The following HERC2 variants were observed in gnomAD, a reference collection of about 807,000 sequenced individuals.
The protein encoded by HERC2 is E3 ubiquitin-protein ligase HERC2.
In HERC2, 102 loss-of-function variants were observed where a neutral mutation model predicts 537.7. The ratio of observed to expected loss-of-function variants is 0.19; its 90% CI spans 0.16 to 0.22. The LOEUF (loss-of-function observed/expected upper bound fraction) is 0.22. Among genes scored for constraint, HERC2 ranks in the 10% least tolerant of loss-of-function variants. The pLI, the probability that HERC2 is intolerant of heterozygous loss-of-function variation, is 1.00. For missense variants in HERC2, 4,236 were observed against 6,198.2 expected (o/e 0.68, Z 10.63); for synonymous variants, 2,224 against 2,466.2 (o/e 0.90, Z 2.91).
intron 2 of HERC2, among the ~76,000 whole-genome samples, chr15:28,301,422 A>C (rs2076620786): frequency 6.6e-6 from 1 of 151,856 alleles, no homozygotes; most frequent in African/African-American, 2.4e-5. Context: ...CTCAAACAAA[A>C]AAAAAAAGCA....
At position 28,132,755 on chromosome 15, in the gene HERC2, G is replaced by A. The variant is rs1381848756; in HGVS notation, c.12306C>T (p.His4102=). 8.1e-6 allele frequency: 13 copies of A among 1,608,560 alleles called. No homozygotes were observed. The highest frequency in any genetic ancestry group is 1.1e-5 in the Non-Finnish European group (13 of 1,177,720). ...CCCCGGCTGCTGTGACACAGGCGCT[G>A]TGGGCTCCGCCAGCAGCAACATCGA... is the stretch of plus-strand genomic sequence containing the variant. ...EVVDVAAGGA[H]SACVTAAGDL... Residue 4102 remains histidine, a synonymous_variant, in exon 80 of 93, where the codon CAC becomes CAT. Transcript: ENST00000261609.
chr15:28,264,657 G>A (rs959287297), intron 14 of HERC2, among the ~76,000 whole-genome samples: 5 of 152,258 alleles, frequency 3.3e-5, no homozygotes, highest in East Asian at 1.9e-4. Context: ...ACATATCATC[G>A]CAAACTTTAA....
In HERC2 at chr15:28,182,511, G is replaced by A. The variant is rs201136198; in HGVS notation, c.8827C>T (p.Leu2943Phe). The A allele has an allele frequency of 3.4e-5, 54 of 1,601,124 alleles. No homozygotes were observed. ...EEDEKGNSGS[L>F]IRKKAAGLES... ...AGCCCAGCAGCCTTCTTTCTAATGA[G>A]GCTAACCAAACGGAAAAAAAAAAGA... Residue 2943 changes from leucine (L) to phenylalanine (F), a missense_variant and splice_region_variant, in exon 57 of 93, where the codon CTC (leucine) becomes TTC (phenylalanine). Transcript: ENST00000261609.
intron 55 of HERC2, among the ~76,000 whole-genome samples, chr15:28,188,997 A>C (rs928987346): frequency 6.6e-6 from 1 of 152,122 alleles, no homozygotes; most frequent in Non-Finnish European, 1.5e-5. Context: ...CTGCGGCAGG[A>C]GAATCACTTG....
Position 28,210,998 on chromosome 15 carries a change from A to T in HERC2, c.7069+4T>A. ...AAAGATTTAAGAACTTTTTAAAAAG[A>T]CACCTGTGTGAACAGTTCCAGTCTC... On this transcript the variant is annotated splice_donor_region_variant and intron_variant, in intron 44 of 92. Coordinates refer to ENST00000261609, the MANE Select transcript of HERC2 (RefSeq NM_004667.6). 2 of 1,338,374 alleles carry T rather than the reference A, an allele frequency of 1.5e-6. No homozygotes were observed. The highest frequency in any genetic ancestry group is 1.2e-5 in the South Asian group (1 of 85,332). 82.9% of individuals were successfully genotyped at this position (1,338,374 alleles called of 1,614,324 possible).
chr15:28,283,925 G>T (rs74940492), intron 4 of HERC2, among the ~76,000 whole-genome samples: 10,331 of 152,186 alleles, frequency 0.068, 855 homozygotes, highest in East Asian at 0.41. Context: ...TTTCAGATTT[G>T]TATCAGATTT....
chr15:28,301,350 G>A (rs1455854661), intron 2 of HERC2, among the ~76,000 whole-genome samples: 1 of 152,016 alleles, frequency 6.6e-6, no homozygotes, highest in Non-Finnish European at 1.5e-5. Flanking sequence ...AGGAGGCCAA[G>A]GTTGCAGTGG....
At chr15:28,131,728 C>T (rs965292077) in intron 81 of HERC2, among the ~76,000 whole-genome samples, 14 of 152,146 alleles carry the variant, frequency 9.2e-5, no homozygotes, top group Admixed American at 3.3e-4. Flanking sequence ...CTGGCACCCC[C>T]AAGCGCGTGC....
intron 44 of HERC2, among the ~76,000 whole-genome samples, chr15:28,208,672 G>A (rs1275104928): frequency 3.3e-5 from 5 of 152,144 alleles, no homozygotes; most frequent in African/African-American, 1.2e-4. Flanking sequence ...AAGCAATGCA[G>A]AGCTGCTCAA....
intron 35 of HERC2, among the ~76,000 whole-genome samples, chr15:28,223,480 A>C (rs1418321489): frequency 6.6e-6 from 1 of 152,136 alleles, no homozygotes; most frequent in Non-Finnish European, 1.5e-5. Context: ...CTAGCAGGGG[A>C]AACAGCCTTT....
chr15:28,281,351 C>T (rs2076015220), intron 4 of HERC2, among the ~76,000 whole-genome samples: 2 of 152,182 alleles, frequency 1.3e-5, no homozygotes, highest in South Asian at 4.1e-4. Flanking sequence ...CACCAATCCC[C>T]TCTAACAGCA....
chr15:28,169,736 G>T, intron 65 of HERC2, 81 bp from the exon 66 acceptor site: 1 of 1,346,060 alleles, frequency 7.4e-7, no homozygotes, highest in Non-Finnish European at 1.0e-6. Flanking sequence ...TTACAGGTTA[G>T]TTCCAAAACA....
At chr15:28,319,980 C>T in intron 2 of HERC2, 1 of 152,172 alleles carries the variant, frequency 6.6e-6, no homozygotes, top group African/African-American at 2.4e-5. Context: ...AATGACAAAA[C>T]AGATCATTAT....
At chr15:28,148,338 A>G (rs1891984339) in intron 70 of HERC2, among the ~76,000 whole-genome samples, 1 of 152,222 alleles carries the variant, frequency 6.6e-6, no homozygotes. Flanking sequence ...ATAGGAAAAA[A>G]GGAGGAAATT....
chr15:28,224,431 A>C (rs967043875), intron 35 of HERC2, among the ~76,000 whole-genome samples: 1 of 152,240 alleles, frequency 6.6e-6, no homozygotes, highest in African/African-American at 2.4e-5. Flanking sequence ...TATGTTGCCC[A>C]AGTTGGTCTC....
intron 4 of HERC2, among the ~76,000 whole-genome samples, chr15:28,284,989 A>G (rs1376418780): frequency 6.6e-6 from 1 of 151,596 alleles, no homozygotes; most frequent in African/African-American, 2.4e-5. Context: ...ACAAAATGAG[A>G]ACTTGGTCAA....
Position 28,144,955 on chromosome 15 carries a change from C to A in HERC2, c.11009-151G>T. The A allele has an allele frequency of 3.3e-6, 3 of 917,930 alleles. No individual in the cohort carries two copies. In the South Asian group the frequency reaches 4.7e-5, roughly 14 times the overall value. 56.9% of individuals were successfully genotyped at this position (917,930 alleles called of 1,614,324 possible). ...TCCCAAGCCGAAGTGCACAGTGACA[C>A]AACACTCTTGGGATTCACATTTTAA... is the stretch of plus-strand genomic sequence containing the variant. On this transcript the variant is annotated intron_variant, in intron 71 of 92. Transcript: ENST00000261609.
In HERC2 at chr15:28,214,216, T is replaced by C; in HGVS notation, c.6415A>G (p.Ser2139Gly). ...RPQASLTATH[S>G]STLAEEVVAL... Reference sequence around the variant, plus strand: ...ACCACCTCCTCCGCCAGTGTGCTGCTGTGGGTGGCAGTCAGCGAGGCCTGC... The same window carrying C: ...ACCACCTCCTCCGCCAGTGTGCTGCCGTGGGTGGCAGTCAGCGAGGCCTGC... Residue 2139 changes from serine to glycine, a missense_variant, in exon 41 of 93, where the codon AGC (serine) becomes GGC (glycine). Coordinates refer to ENST00000261609, the MANE Select transcript of HERC2 (RefSeq NM_004667.6). The C allele has an allele frequency of 6.2e-7, 1 of 1,612,286 alleles. No individual in the cohort carries two copies. Among genetic ancestry groups the C allele is most frequent in the East Asian group, 2.2e-5 (1 of 44,880 alleles).
At chr15:28,130,950 C>G (rs1890045857) in intron 81 of HERC2, among the ~76,000 whole-genome samples, 1 of 152,156 alleles carries the variant, frequency 6.6e-6, no homozygotes, top group Non-Finnish European at 1.5e-5. Context: ...TCTCTCCTCA[C>G]CTGCCCCAGC....
Sources: allele counts gnomAD v4.1 joint callset (sites outside exome capture counted in the v4.1 genomes callset), GRCh38; gene constraint gnomAD v4.1.1; transcripts MANE v1.5; gene names NCBI Gene and HGNC (gene_info 2026-07-23, HGNC 2026-07-21).